Variants in KCNH5 observed in about 807,000 individuals in gnomAD.
The protein encoded by KCNH5 is potassium voltage-gated channel subfamily H member 5.
A neutral mutation model predicts 96.1 loss-of-function variants in KCNH5; 46 were observed. The observed-to-expected ratio is 0.48, with a 90% confidence interval of 0.38 to 0.61. The LOEUF is 0.61. KCNH5 is among the 20% of genes least tolerant of loss of function. KCNH5 has a pLI of 0.00. For synonymous variants in KCNH5, 439 were observed against 449.8 expected (o/e 0.98, Z 0.30); for missense variants, 907 against 1,225.8 (o/e 0.74, Z 3.88).
At chr14:62,807,477 C>T in intron 8 of KCNH5, among the ~76,000 whole-genome samples, 1 of 152,032 alleles carries the variant, frequency 6.6e-6, no homozygotes, top group African/African-American at 2.4e-5. Context: ...AAAATAAAAA[C>T]AGCTTTAAAA....
intron 8 of KCNH5, among the ~76,000 whole-genome samples, chr14:62,846,853 T>C (rs1219364054): frequency 3.0e-5 from 4 of 133,978 alleles, no homozygotes; most frequent in African/African-American, 1.1e-4. Context: ...CAGGCTGGAG[T>C]GCAGTGGTGC....
chr14:62,941,160 T>G (rs1889782029), intron 7 of KCNH5, among the ~76,000 whole-genome samples: 1 of 152,184 alleles, frequency 6.6e-6, no homozygotes, highest in South Asian at 2.1e-4. Context: ...AATTAAATAA[T>G]TTTGAGTGAT....
In KCNH5 at chr14:62,849,679, T is replaced by G; in HGVS notation, c.1543A>C (p.Met515Leu). ...TTTTCTGTATCAATGCCTTTTGACA[T>G]GGACCATGTTGAGACAATATAATCC... Reference protein sequence around the residue: ...VMDYIVSTWSMSKGIDTEKVL... With the variant: ...VMDYIVSTWSLSKGIDTEKVL... Residue 515 changes from methionine to leucine, a missense_variant, in exon 8 of 11, where the codon ATG becomes CTG. Met to Leu is a conservative substitution (Grantham distance 15, BLOSUM62 2). Transcript: ENST00000322893. 6.2e-7 allele frequency: 1 copy of G among 1,613,794 alleles called. No individual in the cohort carries two copies. The highest frequency in any genetic ancestry group is 8.5e-7 in the Non-Finnish European group (1 of 1,179,792).
chr14:62,892,727 G>T (rs536208688), intron 7 of KCNH5, among the ~76,000 whole-genome samples: 32 of 151,994 alleles, frequency 2.1e-4, no homozygotes, highest in Non-Finnish European at 4.0e-4. Context: ...AAACCCAAAG[G>T]TCTTAAAAAT....
chr14:62,780,645 C>A (rs746175494), intron 9 of KCNH5, among the ~76,000 whole-genome samples: 2 of 152,150 alleles, frequency 1.3e-5, no homozygotes, highest in Non-Finnish European at 2.9e-5. Context: ...ACAAAAATCA[C>A]CTATTCACTT....
chr14:62,861,757 C>T (rs550699514), intron 7 of KCNH5, among the ~76,000 whole-genome samples: 1 of 151,870 alleles, frequency 6.6e-6, no homozygotes, highest in African/African-American at 2.4e-5. Context: ...TTGATTGCAT[C>T]TTTAAAAAAC....
intron 8 of KCNH5, among the ~76,000 whole-genome samples, chr14:62,825,898 GT>G (rs1307953587): frequency 2.6e-5 from 4 of 151,486 alleles, no homozygotes; most frequent in African/African-American, 9.7e-5. Context: ...GCTTTCATTT[GT>G]TCTGCCTAAT....
chr14:62,886,317 A>G (rs1000536860), intron 7 of KCNH5, among the ~76,000 whole-genome samples: 3 of 152,224 alleles, frequency 2.0e-5, no homozygotes, highest in Non-Finnish European at 4.4e-5. Flanking sequence ...ACTGTGTAGC[A>G]CGTGAAAATT....
intron 2 of KCNH5, among the ~76,000 whole-genome samples, chr14:63,006,749 T>A (rs563020066): frequency 6.6e-6 from 1 of 152,306 alleles, no homozygotes; most frequent in African/African-American, 2.4e-5. Flanking sequence ...TTGCACAAAG[T>A]GCAAGCTTTG....
chr14:62,784,682 C>A (rs1477602357), intron 9 of KCNH5, among the ~76,000 whole-genome samples: 1 of 152,098 alleles, frequency 6.6e-6, no homozygotes, highest in Non-Finnish European at 1.5e-5. Flanking sequence ...AAAAGGTACT[C>A]AAAATATAAA....
Position 62,883,266 on chromosome 14 carries a change from A to G in KCNH5, c.1370-33414T>C, listed in dbSNP as rs370869621. Among the ~76,000 whole-genome samples the G allele has an allele frequency of 4.1e-4, 63 of 152,336 alleles. 3 individuals carry two copies. In the South Asian group the frequency reaches 8.1e-3, roughly 20 times the overall value. ...ATATTCCCAAGTTCAGGAGAATTCA[A>G]TTACCTAGGATGTATCTAAAAAATT... On this transcript the variant is annotated intron_variant, in intron 7 of 10. Transcript: ENST00000322893.
intron 6 of KCNH5, among the ~76,000 whole-genome samples, chr14:62,964,918 C>T (rs1195413172): frequency 1.3e-5 from 2 of 152,070 alleles, no homozygotes; most frequent in African/African-American, 4.8e-5. Flanking sequence ...GTGCAAAAAT[C>T]TCTCTCTACT....
At chr14:62,809,717 T>A (rs1267301783) in intron 8 of KCNH5, among the ~76,000 whole-genome samples, 1 of 152,130 alleles carries the variant, frequency 6.6e-6, no homozygotes, top group Non-Finnish European at 1.5e-5. Context: ...ATAAAGCAAA[T>A]CAGTCTTACC....
At chr14:63,014,014 T>C (rs187017817) in intron 2 of KCNH5, among the ~76,000 whole-genome samples, 6 of 152,268 alleles carry the variant, frequency 3.9e-5, no homozygotes, top group African/African-American at 1.4e-4. Flanking sequence ...ATATATCAGA[T>C]GCTAGTCTTC....
chr14:62,776,199 G>A lies in KCNH5; in HGVS notation c.2019+3529C>T, dbSNP rs529905677. Among the ~76,000 whole-genome samples, 325 of 152,014 alleles carry A rather than the reference G, an allele frequency of 2.1e-3. 2 individuals are homozygous for A. Among genetic ancestry groups the A allele is most frequent in the African/African-American group, 6.0e-3 (250 of 41,450 alleles). ...GGAGAATCACTTGAACCCAGGAGGCGGAGGTTGCAGTGAGTCGAGATCGCA... is the reference window on the plus strand; with the variant it reads ...GGAGAATCACTTGAACCCAGGAGGCAGAGGTTGCAGTGAGTCGAGATCGCA... On this transcript the variant is annotated intron_variant, in intron 10 of 10. Transcript: ENST00000322893.
intron 2 of KCNH5, 29 bp downstream of exon 2, chr14:63,016,802 A>G: frequency 6.3e-7 from 1 of 1,593,874 alleles, no homozygotes; most frequent in South Asian, 1.1e-5. Context: ...AAATTTCAGA[A>G]AAGATTACTT....
Position 62,707,844 on chromosome 14 carries a change from C to A in KCNH5, c.2631G>T (p.Lys877Asn). 6.2e-7 allele frequency: 1 copy of A among 1,614,138 alleles called. No individual in the cohort carries two copies. The highest frequency in any genetic ancestry group is 2.2e-5 in the East Asian group (1 of 44,862). Residue 877 changes from lysine to asparagine, a missense_variant, in exon 11 of 11, where the codon AAG (lysine) becomes AAT (asparagine). This residue lies in a region of KCNH5 where 362 missense variants were observed against 394.4 expected (regional missense o/e 0.92). Transcript: ENST00000322893. ...GITKSDLRLD[K>N]AGEARSPLEH... ...CTAGCGGACTTCGGGCCTCCCCAGC[C>A]TTATCCAAACGAAGGTCACTTTTTG...
At chr14:62,712,780 C>T in intron 10 of KCNH5, 2 of 741,756 alleles carry the variant, frequency 2.7e-6, no homozygotes, top group Non-Finnish European at 5.0e-6. Context: ...TAGCCTAGAC[C>T]TTGAAAGAGC....
intron 7 of KCNH5, among the ~76,000 whole-genome samples, chr14:62,877,535 G>A (rs1057369009): frequency 6.6e-6 from 1 of 152,104 alleles, no homozygotes; most frequent in Admixed American, 6.5e-5. Flanking sequence ...GTGGGCGAAG[G>A]ACATGAACAG....
Sources: allele counts gnomAD v4.1 joint callset (sites outside exome capture counted in the v4.1 genomes callset), GRCh38; gene constraint gnomAD v4.1.1; regional missense constraint gnomAD v4.1.1; transcripts MANE v1.5; gene names NCBI Gene and HGNC (gene_info 2026-07-23, HGNC 2026-07-21).